The following ANO8 variants were observed in gnomAD, a reference collection of about 807,000 sequenced individuals.
ANO8 encodes the protein anoctamin 8.
Under a neutral mutation model 120.4 loss-of-function variants are expected in ANO8, and 67 were observed. The observed-to-expected ratio is 0.56, with a 90% CI of 0.46 to 0.68. The LOEUF is 0.68. Among genes scored for constraint, ANO8 ranks in the 30% least tolerant of loss-of-function variants. The probability of loss-of-function intolerance (pLI) is 0.00; values close to 1 mark genes in which losing one functional copy is unlikely to be tolerated. For synonymous variants in ANO8, 727 were observed against 759.2 expected, an observed-to-expected ratio of 0.96 and a Z score of 0.70; for missense variants, 1,526 against 1,737.6, an observed-to-expected ratio of 0.88 and a Z score of 2.16.
Position 17,327,964 on chromosome 19 carries a change from C to G in ANO8, c.2227-84G>C, listed in dbSNP as rs1433622424. On this transcript the variant is annotated intron_variant, in intron 13 of 17. Coordinates refer to ENST00000159087, the MANE Select transcript of ANO8 (RefSeq NM_020959.3). ...TTGAGCCCGCCTCCCTCAGATTATC[C>G]CATGTGGACCCAGGGCCTGTCCCCA... 4 of 1,531,610 alleles carry G rather than the reference C, an allele frequency of 2.6e-6. No individual in the cohort carries two copies. The African/African-American group carries it at 5.5e-5, about 21-fold the overall frequency. The allele number at this position is 1,531,610 out of a possible 1,614,324, so 94.9% of individuals were successfully genotyped here.
chr19:17,328,033 C>T (rs1024588393), intron 13 of ANO8, 129 bp downstream of exon 13: 18 of 1,362,778 alleles, frequency 1.3e-5, no homozygotes, highest in South Asian at 1.5e-5. Context: ...CTAGGCCTTC[C>T]TCTCCTGCAG....
chr19:17,324,520 G>A (rs1049044968), intron 17 of ANO8, among the ~76,000 whole-genome samples, 197 bp downstream of exon 17: 2 of 152,020 alleles, frequency 1.3e-5, no homozygotes, highest in Non-Finnish European at 2.9e-5. Context: ...CAGGCACGGG[G>A]CTCCAGGCTA....
chr19:17,328,476 C>T lies in ANO8; in HGVS notation c.1912G>A (p.Glu638Lys), dbSNP rs1358288295. The change falls in exon 13 of 18, where the codon GAG becomes AAG. Residue 638 changes from glutamate to lysine, a missense_variant. Physicochemically the swap from Glu to Lys is moderately conservative, Grantham distance 56 (BLOSUM62 1). Transcript: ENST00000159087. ...TCCACCATAGTGGGGCTCCCTTCCT[C>T]CAGGAGGGCCTCCGGGCTTGGGCCG... is the stretch of plus-strand genomic sequence containing the variant. ...RPGPSPEALL[E>K]EGSPTMVEKG... 6.4e-7 allele frequency: 1 copy of T among 1,569,796 alleles called. No homozygotes were observed. The highest frequency in any genetic ancestry group is 1.2e-5 in the South Asian group (1 of 86,218).
Position 17,333,431 on chromosome 19 carries a change from G to A in ANO8, c.341C>T (p.Thr114Met), listed in dbSNP as rs1392172378. Residue 114 changes from threonine (T) to methionine (M), a missense_variant, in exon 3 of 18, where the codon ACG becomes ATG. Coordinates refer to ENST00000159087, the MANE Select transcript of ANO8 (RefSeq NM_020959.3). The surrounding 1 kb of genome is among the most constrained non-coding windows in gnomAD (Gnocchi z 7.2). ...GGGACAGGGGACTCGCCTCTCATACGTGGCGGTGACAAAGAAGGCGTAGGC... is the reference window on the plus strand; with the variant it reads ...GGGACAGGGGACTCGCCTCTCATACATGGCGGTGACAAAGAAGGCGTAGGC... ...TRAYAFFVTA[T>M]YESLLRGADE... 3 of 1,613,844 alleles carry A rather than the reference G, an allele frequency of 1.9e-6. No homozygotes were observed. The highest frequency in any genetic ancestry group is 1.1e-5 in the South Asian group (1 of 91,086).
In ANO8 at chr19:17,333,094, G is replaced by C. The variant is rs1210150997; in HGVS notation, c.489+7C>G. The C allele has an allele frequency of 1.2e-6, 2 of 1,613,770 alleles. No individual in the cohort carries two copies. Among genetic ancestry groups the C allele is most frequent in the Non-Finnish European group, 1.7e-6 (2 of 1,179,772 alleles). On this transcript the variant is annotated splice_region_variant and intron_variant, in intron 4 of 17. Transcript: ENST00000159087. This position sits in a 1 kb window ranked among gnomAD's most constrained non-coding sequence, Gnocchi z 7.2. Reference sequence around the variant, plus strand: ...GGATGCATGCGGGGGCCCAGAGCCGGCCTCACCTGGGAGGTGAAGAAGCGT... The same window carrying C: ...GGATGCATGCGGGGGCCCAGAGCCGCCCTCACCTGGGAGGTGAAGAAGCGT...
chr19:17,325,189 G>A lies in ANO8; in HGVS notation c.2859C>T (p.Ser953=). ...SEKASAKAKG[S]TAGGHGPERP... is the part of the protein sequence containing the mutation. ...GTTCAGGCCCGTGGCCACCCGCAGTGCTGCCCTTGGCCTTGGCAGAGGCCT... is the reference window on the plus strand; with the variant it reads ...GTTCAGGCCCGTGGCCACCCGCAGTACTGCCCTTGGCCTTGGCAGAGGCCT... Residue 953 remains serine (S), a synonymous_variant, in exon 17 of 18, where the codon AGC becomes AGT. Coordinates refer to ENST00000159087, the MANE Select transcript of ANO8 (RefSeq NM_020959.3). 1 of 1,612,956 alleles carries A rather than the reference G, an allele frequency of 6.2e-7. No individual in the cohort carries two copies. Among genetic ancestry groups the A allele is most frequent in the Non-Finnish European group, 8.5e-7 (1 of 1,179,790 alleles).
In ANO8 at chr19:17,328,721, T is replaced by G; in HGVS notation, c.1667A>C (p.Glu556Ala). The change falls in exon 13 of 18, where the codon GAG (glutamate) becomes GCG (alanine). Residue 556 changes from glutamate to alanine, a missense_variant. By Grantham distance (107) the Glu-to-Ala change is moderately radical. Coordinates refer to ENST00000159087, the MANE Select transcript of ANO8 (RefSeq NM_020959.3). ...CCGCTCCACCAGCGCCGCCTCCTCC[T>G]CCTCCTCCGGCGCCCCGCAGCCCCC... ...LSGGCGAPEE[E>A]EEAALVERRR... is the part of the protein sequence containing the mutation. 7.6e-7 allele frequency: 1 copy of G among 1,312,224 alleles called. No homozygotes were observed. Among genetic ancestry groups the G allele is most frequent in the South Asian group, 1.7e-5 (1 of 58,022 alleles). The allele number at this position is 1,312,224 out of a possible 1,614,324, so 81.3% of individuals were successfully genotyped here. A position where few individuals can be genotyped will look rare whatever the true frequency, so the allele number is the denominator to read the frequency against.
rs781628863 is a variant in ANO8, at chr19:17,328,323, G to T, written c.2065C>A (p.Gln689Lys). 1.3e-5 allele frequency: 20 copies of T among 1,593,392 alleles called. No homozygotes were observed. The highest frequency in any genetic ancestry group is 1.7e-5 in the Non-Finnish European group (20 of 1,172,688). Reference sequence around the variant, plus strand: ...GGGTCCGGGCCCCCGTCGGGCCCCTGGTCTCGGCCCTCGCCCCCGGCCCGG... The same window carrying T: ...GGGTCCGGGCCCCCGTCGGGCCCCTTGTCTCGGCCCTCGCCCCCGGCCCGG... Reference protein sequence around the residue: ...FRRAGGEGRDQGPDGGPDPEP... With the variant: ...FRRAGGEGRDKGPDGGPDPEP... The change falls in exon 13 of 18, where the codon CAG (glutamine) becomes AAG (lysine). Residue 689 changes from glutamine (Q) to lysine (K), a missense_variant. Gln to Lys is a moderately conservative substitution (Grantham distance 53). Transcript: ENST00000159087.
chr19:17,328,868 TC>T lies in ANO8; in HGVS notation c.1519del (p.Glu507SerfsTer10). On this transcript the variant is annotated frameshift_variant, in exon 13 of 18. Transcript: ENST00000159087. LOFTEE classifies it high-confidence loss of function. ...GAGGCCAAGCAGGGCTCGGGCCAGC[TC>T]CCAGACGGCCCGCAGGCCCAGCTCG... is the stretch of plus-strand genomic sequence containing the variant. ...RGELGLRAVW[E>X]LARALLGLLS... 1 of 1,498,950 alleles carries T rather than the reference TC, an allele frequency of 6.7e-7. No homozygotes were observed. Among genetic ancestry groups the T allele is most frequent in the Admixed American group, 2.1e-5 (1 of 47,388 alleles). The allele number at this position is 1,498,950 out of a possible 1,614,324, so 92.9% of individuals were successfully genotyped here. A position where few individuals can be genotyped will look rare whatever the true frequency, so the allele number is the denominator to read the frequency against.
In ANO8 at chr19:17,333,456, C is replaced by A. The variant is rs764085624; in HGVS notation, c.316G>T (p.Ala106Ser). The change falls in exon 3 of 18, where the codon GCC becomes TCC. Residue 106 changes from alanine to serine, a missense_variant. Coordinates refer to ENST00000159087, the MANE Select transcript of ANO8 (RefSeq NM_020959.3). The surrounding 1 kb of genome is among the most constrained non-coding windows in gnomAD (Gnocchi z 7.2). ...VQVRHHRHTRAYAFFVTATYE... is the reference protein window; with the variant it reads ...VQVRHHRHTRSYAFFVTATYE... ...GTGGCGGTGACAAAGAAGGCGTAGG[C>A]ACGCGTGTGGCGGTGGTGGCGGACT... is the stretch of plus-strand genomic sequence containing the variant. 5 of 1,613,654 alleles carry A rather than the reference C, an allele frequency of 3.1e-6. No individual in the cohort carries two copies. The highest frequency in any genetic ancestry group is 1.3e-5 in the African/African-American group (1 of 75,056).
chr19:17,333,834 A>C lies in ANO8; in HGVS notation c.107-34T>G, dbSNP rs1418405469. The C allele has an allele frequency of 4.6e-6, 7 of 1,537,742 alleles. No individual in the cohort carries two copies. The highest frequency in any genetic ancestry group is 5.3e-6 in the Non-Finnish European group (6 of 1,134,982). ...CGGCGTAGCAGGCCCGGGTCAGGCC[A>C]CTCTGGGATCCGGACCCGGCCTCCA... On this transcript the variant is annotated intron_variant, in intron 1 of 17. Coordinates refer to ENST00000159087, the MANE Select transcript of ANO8 (RefSeq NM_020959.3). This position sits in a 1 kb window ranked among gnomAD's most constrained non-coding sequence, Gnocchi z 7.2.
chr19:17,329,299 C>G (rs1230542634), intron 12 of ANO8: 5 of 375,836 alleles, frequency 1.3e-5, no homozygotes, highest in Non-Finnish European at 1.9e-5. Flanking sequence ...CTGGCCGCCC[C>G]CGACCCCAGA....
chr19:17,327,226 C>G lies in ANO8; in HGVS notation c.2661+9G>C. The G allele has an allele frequency of 2.0e-6, 3 of 1,522,684 alleles. No homozygotes were observed. The Admixed American group carries it at 6.2e-5, about 32-fold the overall frequency. 94.3% of individuals were successfully genotyped at this position (1,522,684 alleles called of 1,614,324 possible). The stretch of plus-strand genomic sequence containing the variant: ...AATGAGAAAACCGAGCCCAGCCTGG[C>G]CCCCCTACCTTAAAGGCCTCGCGGC... On this transcript the variant is annotated intron_variant, in intron 16 of 17. Coordinates refer to ENST00000159087, the MANE Select transcript of ANO8 (RefSeq NM_020959.3).
rs765945952 is a variant in ANO8 at position 17,328,347 on chromosome 19, G to A, written c.2041C>T (p.Arg681Trp). ...EREPPAILFR[R>W]AGGEGRDQGP... ...TGGTCTCGGCCCTCGCCCCCGGCCCGGCGGAACAAGATGGCCGGGGGCTCC... is the reference window on the plus strand; with the variant it reads ...TGGTCTCGGCCCTCGCCCCCGGCCCAGCGGAACAAGATGGCCGGGGGCTCC... Residue 681 changes from arginine (R) to tryptophan (W), a missense_variant, in exon 13 of 18, where the codon CGG becomes TGG. This residue lies in a region of ANO8 where 467 missense variants were observed against 425.8 expected (regional missense o/e 1.10). Coordinates refer to ENST00000159087, the MANE Select transcript of ANO8 (RefSeq NM_020959.3). 4.6e-5 allele frequency: 73 copies of A among 1,576,436 alleles called. No individual in the cohort carries two copies. Among genetic ancestry groups the A allele is most frequent in the East Asian group, 6.9e-5 (3 of 43,264 alleles).
chr19:17,323,823 C>T lies in ANO8; in HGVS notation c.3393G>A (p.Ala1131=), dbSNP rs2074254983. Residue 1131 remains alanine (A), a synonymous_variant, in exon 18 of 18, where the codon GCG becomes GCA. Transcript: ENST00000159087. ...GGGGCAGCGGCATTGGCGGCGGCGG[C>T]GCGGGGCTCCGGCTGCGGCGGGTGC... ...ALRTRRSRSP[A]PPPPMPLPRP... is the part of the protein sequence containing the mutation. 1.8e-6 allele frequency: 2 copies of T among 1,134,406 alleles called. No individual in the cohort carries two copies. Among genetic ancestry groups the T allele is most frequent in the Non-Finnish European group, 2.2e-6 (2 of 925,604 alleles). 70.3% of individuals were successfully genotyped at this position (1,134,406 alleles called of 1,614,324 possible). A position where few individuals can be genotyped will look rare whatever the true frequency, so the allele number is the denominator to read the frequency against.
chr19:17,326,055 G>A (rs967353580), intron 16 of ANO8, among the ~76,000 whole-genome samples: 5 of 152,200 alleles, frequency 3.3e-5, no homozygotes, highest in African/African-American at 7.2e-5. Context: ...CTGGACCCAC[G>A]CCGGTACTTT....
In ANO8 at chr19:17,330,972, G is replaced by A; in HGVS notation, c.849C>T (p.Ser283=). 1 of 1,614,196 alleles carries A rather than the reference G, an allele frequency of 6.2e-7. No homozygotes were observed. The highest frequency in any genetic ancestry group is 1.1e-5 in the South Asian group (1 of 91,082). Residue 283 remains serine, a synonymous_variant, in exon 8 of 18, where the codon TCC becomes TCT. Transcript: ENST00000159087. The stretch of plus-strand genomic sequence containing the variant: ...CGTTGAAGAGGGCAAAGACCACGCA[G>A]GAAACATCCCGGCTTGTCTGTGAGT... The part of the protein sequence containing the change: ...TEADQTSRDV[S]CVVFALFNVI...
intron 16 of ANO8, 63 bp downstream of exon 16, chr19:17,327,172 A>C: frequency 7.2e-7 from 1 of 1,381,096 alleles, no homozygotes; most frequent in Non-Finnish European, 9.8e-7. Context: ...ATTGGCCACC[A>C]AGATCAGAGA....
chr19:17,329,900 C>T, intron 11 of ANO8, 59 bp downstream of exon 11: 1 of 1,613,092 alleles, frequency 6.2e-7, no homozygotes, highest in Non-Finnish European at 8.5e-7. Flanking sequence ...TCCTTGTGCC[C>T]CATACAGACG....
Sources: allele counts gnomAD v4.1 joint callset (sites outside exome capture counted in the v4.1 genomes callset), GRCh38; gene constraint gnomAD v4.1.1; regional missense constraint gnomAD v4.1.1; non-coding constraint Gnocchi (gnomAD v3.1); transcripts MANE v1.5; gene names NCBI Gene and HGNC (gene_info 2026-07-23, HGNC 2026-07-21).